GRIA1: variants seen among roughly 807,000 people sequenced by gnomAD.
GRIA1 encodes glutamate ionotropic receptor AMPA type subunit 1.
Under a neutral mutation model 99.2 loss-of-function variants are expected in GRIA1, and 31 were observed. The observed-to-expected ratio is 0.31, with a 90% CI of 0.23 to 0.42. GRIA1 has a LOEUF of 0.42. Among genes scored for constraint, GRIA1 ranks in the 10% least tolerant of loss-of-function variants. The pLI is 1.00. For synonymous variants in GRIA1, 438 were observed against 432.4 expected (o/e 1.01, Z -0.16); for missense variants, 782 against 1,157.5 (o/e 0.68, Z 4.71).
chr5:153,492,347 T>A lies in GRIA1; in HGVS notation c.82+1377T>A, dbSNP rs72800721. The A allele has an allele frequency of 5.6e-4, 841 of 1,500,690 alleles. 1 individual carries two copies. Among genetic ancestry groups the A allele is most frequent in the Non-Finnish European group, 6.8e-4 (763 of 1,124,362 alleles). 93.0% of individuals were successfully genotyped at this position (1,500,690 alleles called of 1,614,324 possible). A position where few individuals can be genotyped will look rare whatever the true frequency, so the allele number is the denominator to read the frequency against. On this transcript the variant is annotated intron_variant, in intron 1 of 15. Coordinates refer to ENST00000285900, the MANE Select transcript of GRIA1 (RefSeq NM_000827.4). ...TGTGTTAGTGCCTAACACGCAAAAC[T>A]TCCTGCCTTCAGGGGAGACACTTCC...
chr5:153,632,006 G>C (rs1753013257), intron 2 of GRIA1, among the ~76,000 whole-genome samples: 1 of 152,200 alleles, frequency 6.6e-6, no homozygotes, highest in South Asian at 2.1e-4. Context: ...CTTAGACAGT[G>C]CAGATTCTCA....
intron 1 of GRIA1, 200 bp downstream of exon 1, chr5:153,491,170 T>G (rs1753879267): frequency 9.7e-7 from 1 of 1,034,044 alleles, no homozygotes; most frequent in East Asian, 2.6e-5. Context: ...AGAGGGGAAG[T>G]GTTCACACAC....
At chr5:153,554,268 C>T (rs1057413085) in intron 2 of GRIA1, among the ~76,000 whole-genome samples, 2 of 152,134 alleles carry the variant, frequency 1.3e-5, no homozygotes, top group African/African-American at 4.8e-5. Context: ...TGAAACATTT[C>T]TCAGGACCAG....
chr5:153,666,231 C>A (rs1296692448), intron 5 of GRIA1, among the ~76,000 whole-genome samples: 1 of 152,180 alleles, frequency 6.6e-6, no homozygotes, highest in African/African-American at 2.4e-5. Flanking sequence ...ATTGAGCATG[C>A]ACCCTGATCC....
At chr5:153,577,556 C>T (rs2055082) in intron 2 of GRIA1, among the ~76,000 whole-genome samples, 16,144 of 152,202 alleles carry the variant, frequency 0.11, 951 homozygotes, top group South Asian at 0.25. Flanking sequence ...TCACTTCCAT[C>T]CCAAAGTCTG....
intron 10 of GRIA1, among the ~76,000 whole-genome samples, chr5:153,702,041 C>T (rs1000078626): frequency 1.3e-5 from 2 of 152,184 alleles, no homozygotes; most frequent in African/African-American, 4.8e-5. Flanking sequence ...CTGAGGCCCT[C>T]TAGGTTAGAT....
intron 2 of GRIA1, among the ~76,000 whole-genome samples, chr5:153,563,565 T>A (rs1761343882): frequency 6.6e-6 from 1 of 152,234 alleles, no homozygotes; most frequent in Non-Finnish European, 1.5e-5. Flanking sequence ...AACATGAAAC[T>A]ATAACTTCTC....
intron 2 of GRIA1, among the ~76,000 whole-genome samples, chr5:153,630,256 T>TATCATCATC (rs3037009): frequency 0.1 from 15,496 of 151,140 alleles, 928 homozygotes; most frequent in Middle Eastern, 0.17. Flanking sequence ...TAATGATAAT[T>TATCATCATC]ATCATCATCA....
At chr5:153,614,044 C>T (rs368850173) in intron 2 of GRIA1, among the ~76,000 whole-genome samples, 4 of 152,176 alleles carry the variant, frequency 2.6e-5, no homozygotes, top group African/African-American at 9.7e-5. Flanking sequence ...TCTCGCTGCT[C>T]GGACAGTTTT....
At chr5:153,801,142 C>G (rs753736705) in intron 14 of GRIA1, among the ~76,000 whole-genome samples, 1 of 152,234 alleles carries the variant, frequency 6.6e-6, no homozygotes, top group African/African-American at 2.4e-5. Flanking sequence ...CAACTTGCTG[C>G]GCTTCCTGAG....
In GRIA1 at chr5:153,811,868, G is replaced by T. The variant is rs941693661; in HGVS notation, c.*643G>T. The T allele has an allele frequency of 6.5e-6, 1 of 153,252 alleles. No homozygotes were observed. Among genetic ancestry groups the T allele is most frequent in the African/African-American group, 2.4e-5 (1 of 41,446 alleles). 9.5% of individuals were successfully genotyped at this position (153,252 alleles called of 1,614,324 possible). On this transcript the variant is annotated 3_prime_UTR_variant, in exon 16 of 16. Transcript: ENST00000285900. ...GGCTGCCTTCCCCAAGTGGGGCACT[G>T]CTTAAGCACTTATTCAGTGGAGAAC...
At chr5:153,575,470 A>G (rs1762452209) in intron 2 of GRIA1, among the ~76,000 whole-genome samples, 1 of 152,198 alleles carries the variant, frequency 6.6e-6, no homozygotes. Flanking sequence ...GGTTTTTGAA[A>G]TTTACTCATG....
At chr5:153,771,366 G>A (rs1763872480) in intron 13 of GRIA1, among the ~76,000 whole-genome samples, 1 of 151,958 alleles carries the variant, frequency 6.6e-6, no homozygotes, top group Admixed American at 6.6e-5. Context: ...GATGGAGAGG[G>A]ATTCCTAACC....
intron 11 of GRIA1, among the ~76,000 whole-genome samples, chr5:153,744,287 ATACTT>A (rs1193260242): frequency 6.6e-6 from 1 of 152,202 alleles, no homozygotes; most frequent in Non-Finnish European, 1.5e-5. Context: ...GTCTTTTATA[ATACTT>A]TAAAGAAAAA....
At chr5:153,722,493 A>G (rs1386465523) in intron 11 of GRIA1, among the ~76,000 whole-genome samples, 1 of 152,118 alleles carries the variant, frequency 6.6e-6, no homozygotes, top group Non-Finnish European at 1.5e-5. Flanking sequence ...TGTGTGAGAG[A>G]GAGGGTCAAG....
chr5:153,765,510 T>C (rs1763461755), intron 12 of GRIA1, among the ~76,000 whole-genome samples: 1 of 152,190 alleles, frequency 6.6e-6, no homozygotes. Flanking sequence ...TAAACATTTA[T>C]AGATATCACA....
intron 2 of GRIA1, among the ~76,000 whole-genome samples, chr5:153,547,412 T>A (rs1460129809): frequency 6.6e-6 from 1 of 152,174 alleles, no homozygotes; most frequent in African/African-American, 2.4e-5. Flanking sequence ...ACTTAAGGAA[T>A]ATTTGCTAAG....
At chr5:153,794,907 C>G (rs1235355205) in intron 14 of GRIA1, among the ~76,000 whole-genome samples, 172 bp downstream of exon 14, 1 of 152,210 alleles carries the variant, frequency 6.6e-6, no homozygotes, top group Non-Finnish European at 1.5e-5. Flanking sequence ...CTATCCTCTA[C>G]TTCTCTTCCA....
At chr5:153,785,045 C>T (rs1764886902) in intron 13 of GRIA1, among the ~76,000 whole-genome samples, 1 of 152,064 alleles carries the variant, frequency 6.6e-6, no homozygotes, top group African/African-American at 2.4e-5. Context: ...CTCTGTCATC[C>T]CCTCGAAATG....
Sources: gnomAD v4.1 joint callset for allele counts (sites outside exome capture counted in the v4.1 genomes callset) on GRCh38, gnomAD v4.1.1 for gene constraint, MANE v1.5 for transcripts, NCBI Gene and HGNC (gene_info 2026-07-23, HGNC 2026-07-21) for gene names.